Variants in IQSEC1 observed in about 807,000 individuals in gnomAD.
The protein encoded by IQSEC1 is IQ motif and Sec7 domain ArfGEF 1.
IQSEC1 carries 31 observed loss-of-function variants against 91.0 expected under a neutral mutation model. The ratio of observed to expected loss-of-function variants is 0.34; its 90% CI spans 0.26 to 0.46. The LOEUF is 0.46. Among genes scored for constraint, IQSEC1 ranks in the 20% least tolerant of loss-of-function variants. The pLI is 1.00. For missense variants in IQSEC1, 1,388 were observed against 1,575.6 expected (o/e 0.88, Z 2.02); for synonymous variants, 699 against 662.6 (o/e 1.05, Z -0.84).
chr3:13,129,116 GT>G (rs1457100018), intron 2 of IQSEC1, among the ~76,000 whole-genome samples: 3 of 152,102 alleles, frequency 2.0e-5, no homozygotes, highest in African/African-American at 7.2e-5. Flanking sequence ...GAAGCCTGGA[GT>G]TTTCATTGTA....
chr3:13,083,985 T>G (rs1160428108), intron 2 of IQSEC1, among the ~76,000 whole-genome samples: 1 of 151,088 alleles, frequency 6.6e-6, no homozygotes, highest in Non-Finnish European at 1.5e-5. Context: ...CCCAGGGAGG[T>G]GAGGGGAAGG....
chr3:12,938,718 A>G (rs1254384126), intron 2 of IQSEC1, among the ~76,000 whole-genome samples: 1 of 151,726 alleles, frequency 6.6e-6, no homozygotes, highest in Non-Finnish European at 1.5e-5. Context: ...AAGTACGAGG[A>G]CCTCCAGCTC....
intron 2 of IQSEC1, among the ~76,000 whole-genome samples, chr3:13,147,290 T>C (rs1472463140): frequency 6.6e-6 from 1 of 152,188 alleles, no homozygotes; most frequent in African/African-American, 2.4e-5. Context: ...TTGTACCTGA[T>C]ACATATTTTT....
intron 1 of IQSEC1, among the ~76,000 whole-genome samples, chr3:13,063,168 G>T (rs1285728676): frequency 6.6e-6 from 1 of 152,196 alleles, no homozygotes; most frequent in Non-Finnish European, 1.5e-5. Flanking sequence ...ACCACGCCCA[G>T]CCTGGCTTCC....
At chr3:12,960,842 C>CCCTT (rs1700197571) in intron 1 of IQSEC1, among the ~76,000 whole-genome samples, 1 of 152,232 alleles carries the variant, frequency 6.6e-6, no homozygotes, top group African/African-American at 2.4e-5. Flanking sequence ...ACTCCCCTTC[C>CCCTT]CCTTCCTGCC....
At position 12,994,017 on chromosome 3, in the gene IQSEC1, C is replaced by T. The variant is rs1049397020; in HGVS notation, c.24-52152G>A. On this transcript the variant is annotated intron_variant, in intron 1 of 13. Coordinates refer to ENST00000613206, the MANE Select transcript of IQSEC1 (RefSeq NM_001134382.3). The surrounding 1 kb of genome is among the most constrained non-coding windows in gnomAD (Gnocchi z 4.5). ...GCATTCCCGGCTGCAGCCCCAGCGA[C>T]CCCCGCCCGGGGCCCCGCACCGCAC... 2.0e-5 allele frequency among the ~76,000 whole-genome samples: 3 copies of T among 149,966 alleles called. No individual in the cohort carries two copies. The East Asian group carries it at 5.8e-4, about 29-fold the overall frequency.
chr3:13,063,692 G>T (rs970027197), intron 1 of IQSEC1, among the ~76,000 whole-genome samples: 1 of 152,226 alleles, frequency 6.6e-6, no homozygotes, highest in East Asian at 1.9e-4. Context: ...AACCCCTGGG[G>T]GCCAGCCAGG....
chr3:13,154,269 A>C (rs1411264653), intron 2 of IQSEC1, among the ~76,000 whole-genome samples: 1 of 150,086 alleles, frequency 6.7e-6, no homozygotes, highest in East Asian at 2.0e-4. Context: ...CGCATGTTCA[A>C]GGCTGTGCAC....
At chr3:13,228,914 T>G (rs1694800585) in intron 1 of IQSEC1, among the ~76,000 whole-genome samples, 1 of 152,158 alleles carries the variant, frequency 6.6e-6, no homozygotes, top group South Asian at 2.1e-4. Context: ...GTCTGTCTCC[T>G]CTCTTTTCTC....
intron 1 of IQSEC1, among the ~76,000 whole-genome samples, chr3:12,948,262 A>G (rs1231344250): frequency 6.6e-6 from 1 of 152,254 alleles, no homozygotes; most frequent in Non-Finnish European, 1.5e-5. Flanking sequence ...TCTGATCTAC[A>G]AGCCCCAGCA....
At chr3:12,925,907 G>A (rs902288311) in intron 3 of IQSEC1, among the ~76,000 whole-genome samples, 4 of 152,230 alleles carry the variant, frequency 2.6e-5, no homozygotes, top group Admixed American at 6.5e-5. Flanking sequence ...GTGGCACTCC[G>A]GCCGTGTGAG....
intron 1 of IQSEC1, among the ~76,000 whole-genome samples, chr3:13,021,264 G>A (rs374656171): frequency 2.1e-3 from 326 of 152,242 alleles, no homozygotes; most frequent in African/African-American, 7.2e-3. Flanking sequence ...TGCAGAGGCC[G>A]CAGCGATCAC....
At chr3:13,168,063 T>G (rs1053540274) in intron 1 of IQSEC1, among the ~76,000 whole-genome samples, 4 of 152,220 alleles carry the variant, frequency 2.6e-5, no homozygotes, top group Non-Finnish European at 5.9e-5. Context: ...AACAGTCAGG[T>G]GGATTTAGGT....
At chr3:13,098,292 T>C (rs1705998684) in intron 2 of IQSEC1, among the ~76,000 whole-genome samples, 1 of 152,102 alleles carries the variant, frequency 6.6e-6, no homozygotes, top group Non-Finnish European at 1.5e-5. Flanking sequence ...GCAAACAAAT[T>C]ACAGTCTAGC....
intron 1 of IQSEC1, among the ~76,000 whole-genome samples, chr3:13,049,523 A>G (rs1196862023): frequency 6.6e-6 from 1 of 152,200 alleles, no homozygotes; most frequent in Non-Finnish European, 1.5e-5. Context: ...ACAGAGGCTG[A>G]AGGTATGGCT....
chr3:13,178,102 A>G (rs932348451), intron 1 of IQSEC1, among the ~76,000 whole-genome samples: 1 of 152,220 alleles, frequency 6.6e-6, no homozygotes, highest in Non-Finnish European at 1.5e-5. Context: ...AGTCGTGAGG[A>G]AACACACCAA....
intron 1 of IQSEC1, among the ~76,000 whole-genome samples, chr3:13,165,807 A>G (rs147271088): frequency 6.2e-4 from 95 of 152,224 alleles, no homozygotes; most frequent in African/African-American, 2.0e-3. Flanking sequence ...CAGAGCCACC[A>G]GCCACACTGT....
intron 1 of IQSEC1, among the ~76,000 whole-genome samples, chr3:13,043,439 T>C (rs1487715915): frequency 6.6e-6 from 1 of 152,100 alleles, no homozygotes; most frequent in South Asian, 2.1e-4. Flanking sequence ...CCCCCATGAA[T>C]CCGGCACACC....
intron 1 of IQSEC1, among the ~76,000 whole-genome samples, chr3:13,009,106 T>C (rs756969194): frequency 2.6e-5 from 4 of 152,336 alleles, no homozygotes; most frequent in Non-Finnish European, 5.9e-5. Flanking sequence ...TGACAGCCTG[T>C]GAAGTGCCTG....
Sources: gnomAD v4.1 joint callset for allele counts (sites outside exome capture counted in the v4.1 genomes callset) on GRCh38, gnomAD v4.1.1 for gene constraint, Gnocchi (gnomAD v3.1) non-coding constraint, MANE v1.5 for transcripts, NCBI Gene and HGNC (gene_info 2026-07-23, HGNC 2026-07-21) for gene names.